Variants in LGALS3BP observed in about 807,000 individuals in gnomAD.
LGALS3BP encodes the protein galectin 3 binding protein, also known as galectin-3-binding protein.
LGALS3BP carries 25 observed loss-of-function variants against 22.9 expected under a neutral mutation model. That is an observed-to-expected ratio of 1.09 (90% CI 0.80 to 1.53). LGALS3BP has a LOEUF of 1.53. Ranked by LOEUF, LGALS3BP falls within the 40% of genes most tolerant of loss-of-function variation. The probability of loss-of-function intolerance (pLI) is 0.00; values close to 1 mark genes in which losing one functional copy is unlikely to be tolerated. For missense variants in LGALS3BP, 718 were observed against 752.0 expected (o/e 0.95, Z 0.53); for synonymous variants, 335 against 331.1 (o/e 1.01, Z -0.13).
intron 3 of LGALS3BP, 40 bp from the exon 4 acceptor site, chr17:78,974,859 C>G: frequency 1.2e-6 from 2 of 1,604,682 alleles, no homozygotes; most frequent in East Asian, 2.2e-5. Flanking sequence ...GGCGTGACGA[C>G]TGCACCCAGG....
chr17:78,972,656 G>A lies in LGALS3BP; in HGVS notation c.678C>T (p.Cys226=). ...RIDITLSSVK[C]FHKLASAYGA... ...CATAGGCAGAGGCCAGCTTGTGGAA[G>A]CACTTGACTGACGACAGGGTGATGT... Residue 226 remains cysteine, a synonymous_variant, in exon 6 of 6, where the codon TGC becomes TGT. Transcript: ENST00000262776. The surrounding 1 kb of genome is among the most constrained non-coding windows in gnomAD (Gnocchi z 5.1). 6.5e-7 allele frequency: 1 copy of A among 1,528,192 alleles called. No homozygotes were observed. The highest frequency in any genetic ancestry group is 1.3e-5 in the South Asian group (1 of 77,400). The allele number at this position is 1,528,192 out of a possible 1,614,324, so 94.7% of individuals were successfully genotyped here.
At position 78,971,641 on chromosome 17, in the gene LGALS3BP, GC is replaced by G; in HGVS notation, c.1692del (p.His565ThrfsTer14). 6.2e-7 allele frequency: 1 copy of G among 1,613,798 alleles called. No homozygotes were observed. The highest frequency in any genetic ancestry group is 1.3e-5 in the African/African-American group (1 of 75,048). ...ATGACCGTGCGGAAGCCGTTGAAGT[GC>G]CCTGCCGGGCAGGGGAAGGAGGAGG... Reference protein sequence around the residue: ...KSTSSFPCPAGHFNGFRTVIR... With the variant: ...KSTSSFPCPAXHFNGFRTVIR... On this transcript the variant is annotated frameshift_variant, in exon 6 of 6. Transcript: ENST00000262776. LOFTEE classifies it high-confidence loss of function. The surrounding 1 kb of genome is among the most constrained non-coding windows in gnomAD (Gnocchi z 5.6).
chr17:78,973,962 C>T lies in LGALS3BP; in HGVS notation c.376+726G>A, dbSNP rs1308180195. On this transcript the variant is annotated intron_variant, in intron 4 of 5. Transcript: ENST00000262776. The surrounding 1 kb of genome is among the most constrained non-coding windows in gnomAD (Gnocchi z 5.8). ...AGGAGCTTTGGCCGTGCGCCCATGG[C>T]CCCGTGTGCTCCCCGCCGCCTCCCC... Among the ~76,000 whole-genome samples, 1 of 152,242 alleles carries T rather than the reference C, an allele frequency of 6.6e-6. No homozygotes were observed. The highest frequency in any genetic ancestry group is 6.5e-5 in the Admixed American group (1 of 15,286).
chr17:78,978,682 C>T (rs1205515514), intron 1 of LGALS3BP, among the ~76,000 whole-genome samples: 9 of 152,316 alleles, frequency 5.9e-5, no homozygotes, highest in African/African-American at 1.7e-4. Context: ...TATGGGTGGA[C>T]GCCCTCTCCA....
rs138046257 is a variant in LGALS3BP at position 78,973,463 on chromosome 17, C to T, written c.377-241G>A. 3.8e-3 allele frequency: 1,922 copies of T among 504,864 alleles called. 31 individuals are homozygous for T. The highest frequency in any genetic ancestry group is 0.033 in the African/African-American group (1,734 of 52,750). 31.3% of individuals were successfully genotyped at this position (504,864 alleles called of 1,614,324 possible). Reference sequence around the variant, plus strand: ...ACCTGGCCAAGCCTGTCCAGGCCCCCGCTTTAGGCCCTCTGCTCTGTGCTG... The same window carrying T: ...ACCTGGCCAAGCCTGTCCAGGCCCCTGCTTTAGGCCCTCTGCTCTGTGCTG... On this transcript the variant is annotated intron_variant, in intron 4 of 5. Coordinates refer to ENST00000262776, the MANE Select transcript of LGALS3BP (RefSeq NM_005567.4). This position sits in a 1 kb window ranked among gnomAD's most constrained non-coding sequence, Gnocchi z 5.8.
In LGALS3BP at chr17:78,974,835, A is replaced by G. The variant is rs1161246567; in HGVS notation, c.245-16T>C. 7 of 1,611,124 alleles carry G rather than the reference A, an allele frequency of 4.3e-6. No homozygotes were observed. In the East Asian group the frequency reaches 1.3e-4, roughly 31 times the overall value. On this transcript the variant is annotated splice_polypyrimidine_tract_variant and intron_variant, in intron 3 of 5. Coordinates refer to ENST00000262776, the MANE Select transcript of LGALS3BP (RefSeq NM_005567.4). ...GGGCCTGATCCTGTGGACACAGCAG[A>G]TGGCAGGGCTGGGGGCGTGACGACT...
rs202012874 is a variant in LGALS3BP at position 78,972,336 on chromosome 17, C to A, written c.998G>T (p.Arg333Leu). Residue 333 changes from arginine to leucine, a missense_variant, in exon 6 of 6, where the codon CGT becomes CTT. Coordinates refer to ENST00000262776, the MANE Select transcript of LGALS3BP (RefSeq NM_005567.4). The surrounding 1 kb of genome is among the most constrained non-coding windows in gnomAD (Gnocchi z 5.1). ...GCCCTCCACCTCCTCATGGGAGGCACGCTCCCCCCAGCTCCAGGTGTCCAC... is the reference window on the plus strand; with the variant it reads ...GCCCTCCACCTCCTCATGGGAGGCAAGCTCCCCCCAGCTCCAGGTGTCCAC... The part of the protein sequence containing the change: ...KAVDTWSWGE[R>L]ASHEEVEGLV... 6.2e-7 allele frequency: 1 copy of A among 1,613,302 alleles called. No individual in the cohort carries two copies. Among genetic ancestry groups the A allele is most frequent in the East Asian group, 2.2e-5 (1 of 44,882 alleles).
intron 4 of LGALS3BP, 129 bp downstream of exon 4, chr17:78,974,559 G>C: frequency 9.2e-7 from 1 of 1,082,506 alleles, no homozygotes; most frequent in Non-Finnish European, 1.3e-6. Flanking sequence ...TCCATGCGGA[G>C]TGGGCAGGCG....
intron 1 of LGALS3BP, among the ~76,000 whole-genome samples, chr17:78,978,121 T>A (rs911489362): frequency 6.6e-6 from 1 of 152,226 alleles, no homozygotes; most frequent in Non-Finnish European, 1.5e-5. Flanking sequence ...GGCAGGCCTC[T>A]GGGTGGCACT....
chr17:78,974,917 G>T (rs912096886), intron 3 of LGALS3BP, 98 bp from the exon 4 acceptor site: 8 of 1,479,928 alleles, frequency 5.4e-6, no homozygotes, highest in Middle Eastern at 1.8e-4. Context: ...CGGCCGTGTG[G>T]GTCCATCTGC....
chr17:78,976,199 AC>A lies in LGALS3BP; in HGVS notation c.53-44del. 1 of 1,493,552 alleles carries A rather than the reference AC, an allele frequency of 6.7e-7. No homozygotes were observed. Among genetic ancestry groups the A allele is most frequent in the African/African-American group, 1.4e-5 (1 of 71,960 alleles). The allele number at this position is 1,493,552 out of a possible 1,614,324, so 92.5% of individuals were successfully genotyped here. A position where few individuals can be genotyped will look rare whatever the true frequency, so the allele number is the denominator to read the frequency against. On this transcript the variant is annotated intron_variant, in intron 2 of 5. Coordinates refer to ENST00000262776, the MANE Select transcript of LGALS3BP (RefSeq NM_005567.4). This position sits in a 1 kb window ranked among gnomAD's most constrained non-coding sequence, Gnocchi z 4.6. ...CGAGGGCGAGGCTGGGGCCTGCAGC[AC>A]CCACCGCCCACACCTCCAGGCCCCA...
chr17:78,975,791 C>CAA (rs60470107), intron 3 of LGALS3BP, among the ~76,000 whole-genome samples, 174 bp downstream of exon 3: 696 of 52,276 alleles, frequency 0.013, 63 homozygotes, highest in East Asian at 0.13. Context: ...GACTCCATCT[C>CAA]AAAAAAAAAA....
Position 78,971,701 on chromosome 17 carries a change from G to A in LGALS3BP, c.1633C>T (p.Pro545Ser), listed in dbSNP as rs2070672327. 6.2e-7 allele frequency: 1 copy of A among 1,613,946 alleles called. No homozygotes were observed. The highest frequency in any genetic ancestry group is 8.5e-7 in the Non-Finnish European group (1 of 1,180,020). ...TDFEGWKAAI[P>S]SALDTNSSKS... ...GAGCTGTTGGTGTCCAGGGCACTGGGAATCGCAGCCTTCCAGCCCTCGAAA... is the reference window on the plus strand; with the variant it reads ...GAGCTGTTGGTGTCCAGGGCACTGGAAATCGCAGCCTTCCAGCCCTCGAAA... Residue 545 changes from proline to serine, a missense_variant, in exon 6 of 6, where the codon CCC (proline) becomes TCC (serine). Transcript: ENST00000262776. The surrounding 1 kb of genome is among the most constrained non-coding windows in gnomAD (Gnocchi z 5.6).
chr17:78,977,658 C>A (rs185626747), intron 1 of LGALS3BP, among the ~76,000 whole-genome samples: 1 of 151,902 alleles, frequency 6.6e-6, no homozygotes, highest in South Asian at 2.1e-4. Flanking sequence ...AGGCAACAGA[C>A]CCCTGCAGGG....
At position 78,976,148 on chromosome 17, in the gene LGALS3BP, C is replaced by G. The variant is rs776128720; in HGVS notation, c.61G>C (p.Asp21His). The G allele has an allele frequency of 1.4e-5, 22 of 1,578,232 alleles. No homozygotes were observed. Among genetic ancestry groups the G allele is most frequent in the Non-Finnish European group, 1.9e-5 (22 of 1,162,624 alleles). Residue 21 changes from aspartate to histidine, a missense_variant, in exon 3 of 6, where the codon GAT (aspartate) becomes CAT (histidine). Transcript: ENST00000262776. The surrounding 1 kb of genome is among the most constrained non-coding windows in gnomAD (Gnocchi z 4.6). ...CCATCGGCCAGCCGCATGTCACCAT[C>G]GTTCACGCCTGCAGGCAGAGACCAG... ...LLVAGTQGVNDGDMRLADGGA... is the reference protein window; with the variant it reads ...LLVAGTQGVNHGDMRLADGGA...
intron 1 of LGALS3BP, 93 bp from the exon 2 acceptor site, chr17:78,977,307 T>A (rs371246133): frequency 4.1e-6 from 4 of 983,786 alleles, no homozygotes; most frequent in Non-Finnish European, 6.1e-6. Flanking sequence ...CAGCCCAACC[T>A]GGGCTGTGTG....
chr17:78,977,292 C>A, intron 1 of LGALS3BP, 78 bp from the exon 2 acceptor site: 1 of 1,184,054 alleles, frequency 8.4e-7, no homozygotes, highest in Non-Finnish European at 1.2e-6. Context: ...TGCCCATTCA[C>A]CCTTCAGCCC....
rs1170968202 is a variant in LGALS3BP at position 78,971,261 on chromosome 17, C to A, written c.*315G>T. ...CTTTCTGTACAAACAAATGTAGGAA[C>A]CTCAATGTAATTTTAATGACCTCAG... On this transcript the variant is annotated 3_prime_UTR_variant, in exon 6 of 6. Coordinates refer to ENST00000262776, the MANE Select transcript of LGALS3BP (RefSeq NM_005567.4). The surrounding 1 kb of genome is among the most constrained non-coding windows in gnomAD (Gnocchi z 5.6). 1.2e-5 allele frequency: 4 copies of A among 342,398 alleles called. No homozygotes were observed. The East Asian group carries it at 1.7e-4, about 14-fold the overall frequency. The allele number at this position is 342,398 out of a possible 1,614,324, so 21.2% of individuals were successfully genotyped here. A position where few individuals can be genotyped will look rare whatever the true frequency, so the allele number is the denominator to read the frequency against.
At position 78,971,457 on chromosome 17, in the gene LGALS3BP, G is replaced by T. The variant is rs776092252; in HGVS notation, c.*119C>A. The T allele has an allele frequency of 1.3e-5, 12 of 901,836 alleles. No homozygotes were observed. The highest frequency in any genetic ancestry group is 2.0e-5 in the Non-Finnish European group (12 of 606,334). The allele number at this position is 901,836 out of a possible 1,614,324, so 55.9% of individuals were successfully genotyped here. A position where few individuals can be genotyped will look rare whatever the true frequency, so the allele number is the denominator to read the frequency against. On this transcript the variant is annotated 3_prime_UTR_variant, in exon 6 of 6. Coordinates refer to ENST00000262776, the MANE Select transcript of LGALS3BP (RefSeq NM_005567.4). The surrounding 1 kb of genome is among the most constrained non-coding windows in gnomAD (Gnocchi z 5.6). ...GAAGCTGAGCGCTCAGGTGAGTAGG[G>T]CGACATCTGGTGGCCGGTTGTTGAA...
Sources: gnomAD v4.1 joint callset for allele counts (sites outside exome capture counted in the v4.1 genomes callset) on GRCh38, gnomAD v4.1.1 for gene constraint, Gnocchi (gnomAD v3.1) non-coding constraint, MANE v1.5 for transcripts, NCBI Gene and HGNC (gene_info 2026-07-23, HGNC 2026-07-21) for gene names.